Variants in AUTS2 observed in about 807,000 individuals in gnomAD.
AUTS2 encodes autism susceptibility gene 2 protein.
Under a neutral mutation model 112.4 loss-of-function variants are expected in AUTS2, and 17 were observed. That is an observed-to-expected ratio of 0.15 (90% CI 0.10 to 0.23). The LOEUF (loss-of-function observed/expected upper bound fraction) is 0.23. AUTS2 is among the 10% of genes least tolerant of loss of function. AUTS2 has a pLI of 1.00. For missense variants in AUTS2, 1,510 were observed against 1,701.6 expected, an observed-to-expected ratio of 0.89 and a Z score of 1.98; for synonymous variants, 751 against 702.7, an observed-to-expected ratio of 1.07 and a Z score of -1.09.
chr7:69,660,078 C>T (rs1216696055), intron 1 of AUTS2, among the ~76,000 whole-genome samples: 1 of 152,180 alleles, frequency 6.6e-6, no homozygotes. Flanking sequence ...ATCCTTCTGC[C>T]CTGGCACTCC....
At chr7:70,170,595 C>CTTTT (rs398005103) in intron 4 of AUTS2, among the ~76,000 whole-genome samples, 7 of 127,000 alleles carry the variant, frequency 5.5e-5, no homozygotes, top group African/African-American at 9.0e-5. Context: ...GACACGTTAT[C>CTTTT]TTTTTTTTTT....
At chr7:70,290,725 G>T in intron 4 of AUTS2, 1 of 1,187,668 alleles carries the variant, frequency 8.4e-7, no homozygotes, top group Non-Finnish European at 1.1e-6. Flanking sequence ...TGCCCAGCTG[G>T]GATTTTTGGC....
At chr7:70,310,249 T>C (rs866100936) in intron 4 of AUTS2, among the ~76,000 whole-genome samples, 1 of 151,654 alleles carries the variant, frequency 6.6e-6, no homozygotes, top group Non-Finnish European at 1.5e-5. Context: ...TCGGGAGATA[T>C]ATGGAAGGAC....
chr7:69,992,867 A>C (rs1798796198), intron 2 of AUTS2, among the ~76,000 whole-genome samples: 1 of 152,182 alleles, frequency 6.6e-6, no homozygotes, highest in Non-Finnish European at 1.5e-5. Context: ...CCTGGGTTAC[A>C]AAGTGAGACC....
intron 5 of AUTS2, among the ~76,000 whole-genome samples, chr7:70,559,174 A>G (rs1801375910): frequency 6.6e-6 from 1 of 151,982 alleles, no homozygotes; most frequent in Non-Finnish European, 1.5e-5. Flanking sequence ...CTCTTCCCTC[A>G]TCTTCTACCA....
At chr7:70,687,899 C>G (rs1351847626) in intron 5 of AUTS2, among the ~76,000 whole-genome samples, 1 of 152,198 alleles carries the variant, frequency 6.6e-6, no homozygotes, top group African/African-American at 2.4e-5. Flanking sequence ...GAAGAAATCC[C>G]TGGGAACCAG....
intron 4 of AUTS2, among the ~76,000 whole-genome samples, chr7:70,410,896 T>G (rs1440096051): frequency 6.6e-6 from 1 of 150,718 alleles, no homozygotes; most frequent in Non-Finnish European, 1.5e-5. Flanking sequence ...GGAGTTTCAC[T>G]CTTGTCACCC....
intron 1 of AUTS2, among the ~76,000 whole-genome samples, chr7:69,615,144 C>T (rs1337958615): frequency 1.3e-5 from 2 of 152,090 alleles, no homozygotes; most frequent in Non-Finnish European, 2.9e-5. Flanking sequence ...TTAACTGTTC[C>T]TTGTATCCTT....
chr7:70,269,341 A>G (rs1043588320), intron 4 of AUTS2, among the ~76,000 whole-genome samples: 8 of 152,160 alleles, frequency 5.3e-5, no homozygotes, highest in Non-Finnish European at 7.4e-5. Context: ...CAGGTTTCCC[A>G]GTATCTTAGT....
intron 2 of AUTS2, among the ~76,000 whole-genome samples, chr7:70,004,440 A>T (rs75874711): frequency 0.2 from 389 of 1,926 alleles, 3 homozygotes; most frequent in African/African-American, 0.41. Context: ...TATATATATA[A>T]AATGCCATAA....
chr7:70,786,579 A>G (rs1047285039), intron 17 of AUTS2, among the ~76,000 whole-genome samples: 2 of 152,228 alleles, frequency 1.3e-5, no homozygotes, highest in Non-Finnish European at 2.9e-5. Context: ...TAGGAGAAGA[A>G]TTACAACCCC....
chr7:70,125,402 T>G (rs2129574072), intron 3 of AUTS2, among the ~76,000 whole-genome samples: 1 of 152,134 alleles, frequency 6.6e-6, no homozygotes, highest in Middle Eastern at 3.4e-3. Context: ...TCTTACAAGG[T>G]TTTTCCACTG....
chr7:70,135,460 C>CA (rs923743860), intron 4 of AUTS2, among the ~76,000 whole-genome samples: 3 of 152,086 alleles, frequency 2.0e-5, no homozygotes, highest in African/African-American at 7.2e-5. Context: ...TCATGAAAAT[C>CA]AAATAAAGTG....
chr7:69,905,915 C>T (rs1352147558), intron 2 of AUTS2, among the ~76,000 whole-genome samples: 1 of 152,184 alleles, frequency 6.6e-6, no homozygotes, highest in Non-Finnish European at 1.5e-5. Flanking sequence ...CTGATACCTA[C>T]AGGAGTTGTT....
At chr7:69,983,616 G>C (rs1798386866) in intron 2 of AUTS2, among the ~76,000 whole-genome samples, 1 of 152,070 alleles carries the variant, frequency 6.6e-6, no homozygotes. Context: ...TCTTAATGTA[G>C]GATTACGTGT....
chr7:70,689,241 GTCCCAGCTAC>G (rs537774991), intron 5 of AUTS2, among the ~76,000 whole-genome samples: 12 of 152,184 alleles, frequency 7.9e-5, no homozygotes, highest in Admixed American at 4.6e-4. Flanking sequence ...CACACCTGTG[GTCCCAGCTAC>G]TCCCAGCTAC....
chr7:70,789,143 T>TC (rs1404119688), intron 18 of AUTS2, among the ~76,000 whole-genome samples: 2 of 152,206 alleles, frequency 1.3e-5, no homozygotes, highest in African/African-American at 4.8e-5. Context: ...CCAAAAGTCC[T>TC]CCAACTGTGG....
At chr7:70,381,381 G>A (rs765855342) in intron 4 of AUTS2, among the ~76,000 whole-genome samples, 1 of 152,184 alleles carries the variant, frequency 6.6e-6, no homozygotes. Context: ...CTTTACAGCT[G>A]TGTGTTTTCC....
At chr7:69,617,569 A>G (rs1245733429) in intron 1 of AUTS2, among the ~76,000 whole-genome samples, 1 of 152,128 alleles carries the variant, frequency 6.6e-6, no homozygotes, top group Non-Finnish European at 1.5e-5. Context: ...CAGTCACTTT[A>G]ACTGAGTGAC....
Sources: allele counts gnomAD v4.1 joint callset (sites outside exome capture counted in the v4.1 genomes callset), GRCh38; gene constraint gnomAD v4.1.1; transcripts MANE v1.5; gene names NCBI Gene and HGNC (gene_info 2026-07-23, HGNC 2026-07-21).